The following TRMT11 variants were observed in gnomAD, a reference collection of about 807,000 sequenced individuals.
TRMT11 encodes the protein tRNA (guanine(10)-N(2))-methyltransferase TRMT11.
TRMT11 carries 53 observed loss-of-function variants against 62.8 expected under a neutral mutation model. The observed-to-expected ratio is 0.84, with a 90% CI of 0.68 to 1.06. The LOEUF is 1.06. Ranked by LOEUF, TRMT11 falls within the 50% of genes least tolerant of loss-of-function variation. The pLI, the probability that TRMT11 is intolerant of heterozygous loss-of-function variation, is 0.00. For synonymous variants in TRMT11, 188 were observed against 190.3 expected (o/e 0.99, Z 0.10); for missense variants, 556 against 553.4 (o/e 1.00, Z -0.05).
chr6:126,264,088 G>A, the TRMT11 span, among the ~76,000 whole-genome samples: 3 of 152,008 alleles, frequency 2.0e-5, no homozygotes, highest in Non-Finnish European at 2.9e-5. Context: ...TCATTAACAC[G>A]TGCCTAGGTG....
At chr6:126,183,412 G>A (rs542709818) in intron 1 of TRMT11, among the ~76,000 whole-genome samples, 31 of 152,218 alleles carry the variant, frequency 2.0e-4, no homozygotes, top group Non-Finnish European at 4.3e-4. Context: ...GAGGTGTTGG[G>A]GTGTTGCATT....
chr6:126,255,694 C>T, the TRMT11 span, among the ~76,000 whole-genome samples: 1 of 151,944 alleles, frequency 6.6e-6, no homozygotes, highest in Non-Finnish European at 1.5e-5. Flanking sequence ...GGCTCCTGGA[C>T]TAATTTTACT....
intron 1 of TRMT11, chr6:126,177,468 G>A (rs997710583): frequency 6.6e-6 from 1 of 151,994 alleles, no homozygotes; most frequent in African/African-American, 2.4e-5. Flanking sequence ...ATTTCTTCTG[G>A]CATCTAATTC....
At chr6:126,166,868 G>T (rs925053711) in intron 21 of TRMT11, among the ~76,000 whole-genome samples, 2 of 152,148 alleles carry the variant, frequency 1.3e-5, no homozygotes, top group African/African-American at 2.4e-5. Flanking sequence ...TGCTGCGGTG[G>T]GTTCTGCACC....
At chr6:126,042,762 G>A (rs1775917119), downstream of TRMT11, among the ~76,000 whole-genome samples, 1 of 152,122 alleles carries the variant, frequency 6.6e-6, no homozygotes, top group Admixed American at 6.6e-5. Flanking sequence ...TGTGAAGTTA[G>A]TCAAATTAAA....
chr6:126,240,760 G>A, the TRMT11 span, among the ~76,000 whole-genome samples: 1 of 152,258 alleles, frequency 6.6e-6, no homozygotes, highest in Non-Finnish European at 1.5e-5. Context: ...ATTTAAGTCT[G>A]CAGAGGTTTC....
At chr6:126,049,553 T>C (rs1776153183) in intron 16 of TRMT11, among the ~76,000 whole-genome samples, 1 of 152,218 alleles carries the variant, frequency 6.6e-6, no homozygotes, top group South Asian at 2.1e-4. Flanking sequence ...GTTCTAAGGC[T>C]TGTCTATTGG....
At chr6:126,257,219 C>T in the TRMT11 span, among the ~76,000 whole-genome samples, 6 of 151,800 alleles carry the variant, frequency 4.0e-5, no homozygotes, top group Admixed American at 3.9e-4. Context: ...TTTTCTCAGC[C>T]TGTTTTCTGC....
intron 21 of TRMT11, among the ~76,000 whole-genome samples, chr6:126,134,053 T>G: frequency 6.6e-6 from 1 of 151,914 alleles, no homozygotes; most frequent in South Asian, 2.1e-4. Context: ...GAGCAAAAAA[T>G]TAATAAGATT....
chr6:126,034,051 ACT>A (rs1002657678), intron 12 of TRMT11, among the ~76,000 whole-genome samples: 1 of 151,892 alleles, frequency 6.6e-6, no homozygotes, highest in Non-Finnish European at 1.5e-5. Flanking sequence ...TAAATGTCAA[ACT>A]CTATTTTGAA....
At chr6:126,017,154 T>C in intron 11 of TRMT11, among the ~76,000 whole-genome samples, 1 of 152,204 alleles carries the variant, frequency 6.6e-6, no homozygotes, top group East Asian at 1.9e-4. Flanking sequence ...GAATTCAATT[T>C]ACAATTGTAC....
intron 21 of TRMT11, among the ~76,000 whole-genome samples, chr6:126,135,966 G>T (rs1777844783): frequency 6.6e-6 from 1 of 151,598 alleles, no homozygotes; most frequent in East Asian, 1.9e-4. Context: ...TCAACAAATT[G>T]GGTATAGAAG....
At chr6:126,117,326 CTCTT>C (rs1230120606) in intron 21 of TRMT11, among the ~76,000 whole-genome samples, 6 of 152,006 alleles carry the variant, frequency 3.9e-5, no homozygotes, top group African/African-American at 1.4e-4. Flanking sequence ...CACTGCAGCT[CTCTT>C]TCTTAGTTCA....
chr6:126,266,882 A>G, the TRMT11 span, among the ~76,000 whole-genome samples: 2 of 152,222 alleles, frequency 1.3e-5, no homozygotes, highest in African/African-American at 2.4e-5. Context: ...ACAGGAAGAC[A>G]GTTAAACATT....
intron 1 of TRMT11, among the ~76,000 whole-genome samples, chr6:126,186,102 C>A (rs941036671): frequency 2.3e-4 from 35 of 152,214 alleles, no homozygotes; most frequent in African/African-American, 8.4e-4. Context: ...ATTTCCAAAG[C>A]TTTACTTTAA....
intron 9 of TRMT11, among the ~76,000 whole-genome samples, chr6:126,012,067 A>C (rs1794294789): frequency 6.6e-6 from 1 of 152,190 alleles, no homozygotes; most frequent in Non-Finnish European, 1.5e-5. Flanking sequence ...AAAGTGGCAA[A>C]GTTCAGCCCT....
chr6:126,082,469 G>A (rs1418753254), intron 17 of TRMT11, among the ~76,000 whole-genome samples: 1 of 151,964 alleles, frequency 6.6e-6, no homozygotes, highest in Non-Finnish European at 1.5e-5. Context: ...TGGAAGACTT[G>A]GTTGCCACCT....
At chr6:126,027,313 C>T (rs539086417) in intron 12 of TRMT11, among the ~76,000 whole-genome samples, 34 of 152,334 alleles carry the variant, frequency 2.2e-4, no homozygotes, top group African/African-American at 7.9e-4. Flanking sequence ...AATTCTCTCT[C>T]AACCTTCTCC....
In TRMT11 at chr6:125,999,503, A is replaced by T; in HGVS notation, c.569A>T (p.Lys190Met). ...RELIESYSVK[K>M]RHFIGNTSMD... ...CTTATTGAGTCATACAGTGTCAAAA[A>T]GAGACACTTTATTGGAAATACAAGT... The change falls in exon 7 of 13, where the codon AAG becomes ATG. Residue 190 changes from lysine (K) to methionine (M), a missense_variant. By Grantham distance (95) the Lys-to-Met change is moderately conservative (BLOSUM62 -1). Transcript: ENST00000334379. 1 of 1,611,312 alleles carries T rather than the reference A, an allele frequency of 6.2e-7. No individual in the cohort carries two copies. Among genetic ancestry groups the T allele is most frequent in the Non-Finnish European group, 8.5e-7 (1 of 1,178,676 alleles).
Sources: allele counts gnomAD v4.1 joint callset (sites outside exome capture counted in the v4.1 genomes callset), GRCh38; gene constraint gnomAD v4.1.1; transcripts MANE v1.5; gene names NCBI Gene and HGNC (gene_info 2026-07-23, HGNC 2026-07-21).